ACVR1: variants seen among roughly 807,000 people sequenced by gnomAD.
The protein encoded by ACVR1 is activin A receptor type 1.
In ACVR1, 38 loss-of-function variants were observed where a neutral mutation model predicts 57.1. The observed-to-expected ratio is 0.67, with a 90% CI of 0.51 to 0.87. The LOEUF (loss-of-function observed/expected upper bound fraction) is 0.87, where lower values mean the gene tolerates loss of function less well. Ranked by LOEUF, ACVR1 falls within the 40% of genes least tolerant of loss-of-function variation. The pLI, the probability that ACVR1 is intolerant of heterozygous loss-of-function variation, is 0.00. For missense variants in ACVR1, 463 were observed against 638.2 expected (o/e 0.73, Z 2.96); for synonymous variants, 212 against 228.1 (o/e 0.93, Z 0.63).
intron 1 of ACVR1, among the ~76,000 whole-genome samples, chr2:157,842,299 A>G (rs1176945338): frequency 6.6e-6 from 1 of 152,200 alleles, no homozygotes; most frequent in Non-Finnish European, 1.5e-5. Context: ...CCCTTAACAA[A>G]GGCCAAGCCA....
intron 1 of ACVR1, among the ~76,000 whole-genome samples, chr2:157,859,222 A>T (rs1689641780): frequency 1.3e-5 from 2 of 152,016 alleles, no homozygotes. Flanking sequence ...GCCAGCCAAA[A>T]CTCACCAAAA....
At chr2:157,750,354 G>A (rs1045151467) in intron 9 of ACVR1, among the ~76,000 whole-genome samples, 5 of 152,200 alleles carry the variant, frequency 3.3e-5, no homozygotes, top group African/African-American at 1.2e-4. Flanking sequence ...TGCCATCCAG[G>A]AGCAGAGGAC....
intron 1 of ACVR1, among the ~76,000 whole-genome samples, chr2:157,833,707 T>A (rs1242327108): frequency 6.6e-6 from 1 of 152,190 alleles, no homozygotes; most frequent in African/African-American, 2.4e-5. Context: ...TTTTTTTTTT[T>A]ACTTTCTAAA....
At chr2:157,763,827 T>C (rs1201463533) in intron 8 of ACVR1, among the ~76,000 whole-genome samples, 1 of 152,222 alleles carries the variant, frequency 6.6e-6, no homozygotes, top group African/African-American at 2.4e-5. Context: ...TATGGTCTTA[T>C]AAGAGTTGTT....
intron 9 of ACVR1, among the ~76,000 whole-genome samples, chr2:157,759,189 T>A (rs757514094): frequency 6.6e-6 from 1 of 151,890 alleles, no homozygotes. Context: ...AAAGGATTAA[T>A]GAAATAAAAA....
chr2:157,759,679 T>C (rs1019081188), intron 9 of ACVR1, among the ~76,000 whole-genome samples: 3 of 151,980 alleles, frequency 2.0e-5, no homozygotes, highest in Admixed American at 1.3e-4. Context: ...TGAACACAGA[T>C]GCAAAAATCT....
chr2:157,816,060 C>A (rs1228010780), intron 2 of ACVR1, among the ~76,000 whole-genome samples: 2 of 152,116 alleles, frequency 1.3e-5, no homozygotes, highest in Non-Finnish European at 2.9e-5. Flanking sequence ...GGAAAAATAT[C>A]CACAATATAC....
At chr2:157,869,605 A>G (rs1291338499) in intron 1 of ACVR1, among the ~76,000 whole-genome samples, 1 of 152,266 alleles carries the variant, frequency 6.6e-6, no homozygotes, top group Non-Finnish European at 1.5e-5. Flanking sequence ...GTACCAGGTC[A>G]TGATATAAAA....
chr2:157,745,601 G>C (rs1302796800), intron 9 of ACVR1, among the ~76,000 whole-genome samples: 6 of 152,114 alleles, frequency 3.9e-5, no homozygotes, highest in Non-Finnish European at 8.8e-5. Flanking sequence ...GAAGTCAGGG[G>C]GAAAATAATT....
rs755732603 is a variant in ACVR1 at position 157,778,207 on chromosome 2, C to A, written c.467G>T (p.Arg156Leu). 5.0e-6 allele frequency: 8 copies of A among 1,614,014 alleles called. No individual in the cohort carries two copies. Among genetic ancestry groups the A allele is most frequent in the Non-Finnish European group, 5.9e-6 (7 of 1,179,996 alleles). The change falls in exon 5 of 11, where the codon CGC becomes CTC. Residue 156 changes from arginine (R) to leucine (L), a missense_variant. Coordinates refer to ENST00000434821, the MANE Select transcript of ACVR1 (RefSeq NM_001111067.4). Reference sequence around the variant, plus strand: ...ATACTCCACGTCTCGGGGATTGAGGCGTTCTTGGTTGCGCCTTTTAAATTT... The same window carrying A: ...ATACTCCACGTCTCGGGGATTGAGGAGTTCTTGGTTGCGCCTTTTAAATTT... The part of the protein sequence containing the change: ...LRKFKRRNQE[R>L]LNPRDVEYGT...
At chr2:157,808,435 G>A (rs1255497289) in intron 2 of ACVR1, among the ~76,000 whole-genome samples, 1 of 152,182 alleles carries the variant, frequency 6.6e-6, no homozygotes, top group African/African-American at 2.4e-5. Context: ...GTTTAATATA[G>A]TAGCAAGCAG....
At chr2:157,859,864 T>C (rs539288405) in intron 1 of ACVR1, among the ~76,000 whole-genome samples, 2 of 152,334 alleles carry the variant, frequency 1.3e-5, no homozygotes, top group African/African-American at 4.8e-5. Flanking sequence ...TTTTTCTTTT[T>C]AATGGTCGTT....
chr2:157,753,321 A>C (rs1368895095), intron 9 of ACVR1, among the ~76,000 whole-genome samples: 1 of 152,204 alleles, frequency 6.6e-6, no homozygotes, highest in Non-Finnish European at 1.5e-5. Flanking sequence ...CAAGGTCAGG[A>C]GTTTGAGACC....
At chr2:157,774,944 T>C (rs1686222620) in intron 5 of ACVR1, among the ~76,000 whole-genome samples, 1 of 152,196 alleles carries the variant, frequency 6.6e-6, no homozygotes, top group East Asian at 1.9e-4. Flanking sequence ...TATTTTGCTA[T>C]TCTCACTAAG....
intron 1 of ACVR1, among the ~76,000 whole-genome samples, chr2:157,857,726 G>A (rs1022328277): frequency 6.6e-6 from 1 of 152,140 alleles, no homozygotes; most frequent in Admixed American, 6.5e-5. Context: ...TGTCAGCACC[G>A]TAAGAAATCC....
At chr2:157,873,084 T>C (rs1690164883) in intron 1 of ACVR1, among the ~76,000 whole-genome samples, 1 of 152,248 alleles carries the variant, frequency 6.6e-6, no homozygotes, top group Non-Finnish European at 1.5e-5. Context: ...CTTTAGGTTC[T>C]TTTCTTTAAG....
chr2:157,858,680 AC>A (rs1196112926), intron 1 of ACVR1, among the ~76,000 whole-genome samples: 2 of 151,952 alleles, frequency 1.3e-5, no homozygotes, highest in East Asian at 3.9e-4. Flanking sequence ...ACGGGGTTTC[AC>A]CATGTTGGCC....
chr2:157,867,897 G>T (rs1445501086), intron 1 of ACVR1, among the ~76,000 whole-genome samples: 1 of 152,080 alleles, frequency 6.6e-6, no homozygotes, highest in African/African-American at 2.4e-5. Context: ...ATTAGAGCAG[G>T]TACTTCATGG....
chr2:157,806,847 T>C (rs1447187878), intron 2 of ACVR1: 1 of 152,246 alleles, frequency 6.6e-6, no homozygotes, highest in East Asian at 1.9e-4. Flanking sequence ...GGCTTGGTTT[T>C]ATATAGACTT....
Sources: gnomAD v4.1 joint callset for allele counts (sites outside exome capture counted in the v4.1 genomes callset) on GRCh38, gnomAD v4.1.1 for gene constraint, MANE v1.5 for transcripts, NCBI Gene and HGNC (gene_info 2026-07-23, HGNC 2026-07-21) for gene names.